KCNAB1: variants seen among roughly 807,000 people sequenced by gnomAD.
KCNAB1 encodes voltage-gated potassium channel subunit beta-1.
Under a neutral mutation model 64.6 loss-of-function variants are expected in KCNAB1, and 35 were observed. The observed-to-expected ratio is 0.54, with a 90% CI of 0.41 to 0.72. KCNAB1 has a LOEUF of 0.72. KCNAB1 is among the 30% of genes least tolerant of loss of function. The pLI is 0.00. For missense variants in KCNAB1, 401 were observed against 512.9 expected (o/e 0.78, Z 2.11); for synonymous variants, 177 against 183.8 (o/e 0.96, Z 0.30).
intron 1 of KCNAB1, among the ~76,000 whole-genome samples, chr3:156,251,077 C>T (rs1717803068): frequency 6.6e-6 from 1 of 152,160 alleles, no homozygotes; most frequent in Non-Finnish European, 1.5e-5. Flanking sequence ...GGATACCCAG[C>T]TCATTGAAGA....
intron 8 of KCNAB1, among the ~76,000 whole-genome samples, chr3:156,487,085 C>T (rs1439671477): frequency 6.6e-6 from 1 of 152,108 alleles, no homozygotes; most frequent in Admixed American, 6.5e-5. Context: ...ATTACATGCA[C>T]ATGCCAAAAA....
chr3:156,286,573 G>A (rs1448755243), intron 1 of KCNAB1, among the ~76,000 whole-genome samples: 1 of 152,108 alleles, frequency 6.6e-6, no homozygotes, highest in East Asian at 1.9e-4. Flanking sequence ...TCAATAACTT[G>A]CCAGGTGATA....
rs532099373 is a variant in KCNAB1 at position 156,500,731 on chromosome 3, CTTAT to C, written c.659-13626_659-13623del. Among the ~76,000 whole-genome samples, 183 of 152,116 alleles carry C rather than the reference CTTAT, an allele frequency of 1.2e-3. 2 individuals carry two copies. Among genetic ancestry groups the C allele is most frequent in the African/African-American group, 4.2e-3 (176 of 41,504 alleles). The stretch of plus-strand genomic sequence containing the variant: ...TAAACCTACAGAGTAGGTTAATTTC[CTTAT>C]TTATTTCTGTATACGTTTTGTAGAT... On this transcript the variant is annotated intron_variant, in intron 8 of 13. Transcript: ENST00000490337.
intron 1 of KCNAB1, among the ~76,000 whole-genome samples, chr3:156,301,117 T>C (rs186697793): frequency 1.3e-5 from 2 of 152,338 alleles, no homozygotes; most frequent in Admixed American, 1.3e-4. Context: ...ACAGAGCTCT[T>C]ATGTAAGAAA....
chr3:156,397,255 A>C (rs114057530), intron 1 of KCNAB1, among the ~76,000 whole-genome samples: 12 of 152,202 alleles, frequency 7.9e-5, no homozygotes, highest in South Asian at 2.1e-4. Context: ...TCCTCTAAAA[A>C]ATGGGGGAGA....
chr3:156,439,224 ATTT>A (rs56259743), intron 2 of KCNAB1, among the ~76,000 whole-genome samples: 2,220 of 115,032 alleles, frequency 0.019, 31 homozygotes, highest in African/African-American at 0.06. Flanking sequence ...CATCATTGTG[ATTT>A]TTTTTTTTTT....
chr3:156,313,948 C>T (rs1396069602), intron 1 of KCNAB1, among the ~76,000 whole-genome samples: 2 of 152,152 alleles, frequency 1.3e-5, no homozygotes, highest in East Asian at 3.9e-4. Flanking sequence ...AGCTCAAAGC[C>T]CCCCTTTTCC....
At chr3:156,202,563 T>C (rs1010229064) in intron 1 of KCNAB1, among the ~76,000 whole-genome samples, 1 of 152,168 alleles carries the variant, frequency 6.6e-6, no homozygotes, top group Non-Finnish European at 1.5e-5. Context: ...TGGCATTTCT[T>C]TTCAGTTCTT....
intron 1 of KCNAB1, among the ~76,000 whole-genome samples, chr3:156,207,626 A>C (rs1461354222): frequency 6.6e-6 from 1 of 152,224 alleles, no homozygotes; most frequent in Non-Finnish European, 1.5e-5. Flanking sequence ...CGCTACATGA[A>C]ATATTATCTT....
At chr3:156,394,097 AC>A (rs1333487810) in intron 1 of KCNAB1, among the ~76,000 whole-genome samples, 4 of 152,198 alleles carry the variant, frequency 2.6e-5, no homozygotes, top group Non-Finnish European at 5.9e-5. Context: ...AACAATATGT[AC>A]CCTGCCCACT....
intron 13 of KCNAB1, among the ~76,000 whole-genome samples, chr3:156,535,253 C>T (rs964726967): frequency 1.3e-5 from 2 of 152,182 alleles, no homozygotes; most frequent in African/African-American, 4.8e-5. Context: ...ACAAGGTCAC[C>T]TTGGCCAGCA....
At chr3:156,193,042 TG>T (rs1410683488) in intron 1 of KCNAB1, among the ~76,000 whole-genome samples, 1 of 152,152 alleles carries the variant, frequency 6.6e-6, no homozygotes, top group African/African-American at 2.4e-5. Flanking sequence ...CTACCATTCT[TG>T]TATTTGTTTT....
intron 1 of KCNAB1, among the ~76,000 whole-genome samples, chr3:156,295,706 T>C (rs1420203476): frequency 6.6e-6 from 1 of 152,224 alleles, no homozygotes; most frequent in Non-Finnish European, 1.5e-5. Context: ...ATTATTCCTT[T>C]CCTTAGAGGG....
intron 1 of KCNAB1, among the ~76,000 whole-genome samples, chr3:156,320,854 A>G (rs1040028012): frequency 2.0e-5 from 3 of 151,928 alleles, no homozygotes; most frequent in African/African-American, 7.3e-5. Flanking sequence ...TGCTAATAAT[A>G]ATGGCAGAAT....
In KCNAB1 at chr3:156,516,049, AGAACT is replaced by A. The variant is rs138181818; in HGVS notation, c.866-218_866-214del. 1.2e-4 allele frequency among the ~76,000 whole-genome samples: 18 copies of A among 152,230 alleles called. No homozygotes were observed. In the South Asian group the frequency reaches 3.5e-3, roughly 30 times the overall value. On this transcript the variant is annotated intron_variant, in intron 10 of 13. Transcript: ENST00000490337. ...TCAGGCTTTCTGATATGCACTCCCA[AGAACT>A]GACAGTCCATGTTTAATTGGCTGAT...
At chr3:156,161,616 T>G (rs534246121) in intron 1 of KCNAB1, among the ~76,000 whole-genome samples, 2 of 152,346 alleles carry the variant, frequency 1.3e-5, no homozygotes, top group East Asian at 3.9e-4. Flanking sequence ...TATTTTCTTT[T>G]TGAATATAGG....
chr3:156,351,388 C>A (rs1189464297), intron 1 of KCNAB1, among the ~76,000 whole-genome samples: 1 of 152,238 alleles, frequency 6.6e-6, no homozygotes, highest in Non-Finnish European at 1.5e-5. Context: ...TGGATGTAGG[C>A]TCTCTCTTCC....
At chr3:156,396,956 A>G (rs1377534320) in intron 1 of KCNAB1, among the ~76,000 whole-genome samples, 7 of 152,248 alleles carry the variant, frequency 4.6e-5, no homozygotes, top group African/African-American at 1.7e-4. Context: ...GGTAAGAATC[A>G]TAAAACATTT....
At chr3:156,488,365 A>T (rs1478377790) in intron 8 of KCNAB1, among the ~76,000 whole-genome samples, 1 of 151,928 alleles carries the variant, frequency 6.6e-6, no homozygotes, top group Admixed American at 6.6e-5. Context: ...GGAGTTGGCC[A>T]TTGAGAAGGT....
Sources: gnomAD v4.1 joint callset for allele counts (sites outside exome capture counted in the v4.1 genomes callset) on GRCh38, gnomAD v4.1.1 for gene constraint, MANE v1.5 for transcripts, NCBI Gene and HGNC (gene_info 2026-07-23, HGNC 2026-07-21) for gene names.